Variants in SLC22A2 observed in about 807,000 individuals in gnomAD.
SLC22A2 encodes solute carrier family 22 member 2, also known as organic cation transporter 2.
SLC22A2 carries 46 observed loss-of-function variants against 60.5 expected under a neutral mutation model. The ratio of observed to expected loss-of-function variants is 0.76; its 90% CI spans 0.60 to 0.97. The LOEUF (loss-of-function observed/expected upper bound fraction) is 0.97, where lower values mean the gene tolerates loss of function less well. Ranked by LOEUF, SLC22A2 falls within the 50% of genes least tolerant of loss-of-function variation. The pLI, the probability that SLC22A2 is intolerant of heterozygous loss-of-function variation, is 0.00. For missense variants in SLC22A2, 701 were observed against 706.6 expected (o/e 0.99, Z 0.09); for synonymous variants, 303 against 267.0 (o/e 1.13, Z -1.31).
At chr6:160,242,740 C>T (rs969270027) in intron 7 of SLC22A2, among the ~76,000 whole-genome samples, 3 of 152,048 alleles carry the variant, frequency 2.0e-5, no homozygotes, top group Non-Finnish European at 2.9e-5. Flanking sequence ...CGACATTCTC[C>T]ACAGAGTGGT....
chr6:160,227,814 T>C (rs991707749), intron 9 of SLC22A2, among the ~76,000 whole-genome samples: 4 of 152,186 alleles, frequency 2.6e-5, no homozygotes, highest in African/African-American at 9.7e-5. Flanking sequence ...CATAAAGACC[T>C]TGCTGGTCAA....
chr6:160,234,675 A>G (rs945549733), intron 9 of SLC22A2, among the ~76,000 whole-genome samples: 1 of 152,216 alleles, frequency 6.6e-6, no homozygotes, highest in Non-Finnish European at 1.5e-5. Context: ...CATCCAACAG[A>G]TAGGAATTTG....
chr6:160,218,889 C>CACAATT (rs1782589758), intron 10 of SLC22A2, among the ~76,000 whole-genome samples: 2 of 4,924 alleles, frequency 4.1e-4, no homozygotes, highest in African/African-American at 1.6e-3. Flanking sequence ...TCAGCAGTAG[C>CACAATT]AACAACAGAA....
chr6:160,234,759 C>T (rs1474316416), intron 9 of SLC22A2, among the ~76,000 whole-genome samples: 2 of 152,230 alleles, frequency 1.3e-5, no homozygotes, highest in Admixed American at 6.5e-5. Context: ...GAATTGGCTG[C>T]TCTAAAATCC....
intron 9 of SLC22A2, among the ~76,000 whole-genome samples, chr6:160,226,981 AT>A (rs1583390924): frequency 6.6e-6 from 1 of 152,164 alleles, no homozygotes; most frequent in Non-Finnish European, 1.5e-5. Flanking sequence ...AAGATAGCAA[AT>A]TCCAGCCTGA....
chr6:160,257,515 C>G (rs1783293674), intron 1 of SLC22A2, among the ~76,000 whole-genome samples: 1 of 152,100 alleles, frequency 6.6e-6, no homozygotes, highest in African/African-American at 2.4e-5. Context: ...TGTGAGAGAG[C>G]CTCGGAGAGT....
intron 7 of SLC22A2, among the ~76,000 whole-genome samples, chr6:160,242,731 G>A (rs531785038): frequency 1.5e-4 from 22 of 151,354 alleles, no homozygotes; most frequent in Non-Finnish European, 2.5e-4. Context: ...GCCCATCATC[G>A]ACATTCTCCA....
At chr6:160,224,098 C>G (rs193014004) in intron 10 of SLC22A2, among the ~76,000 whole-genome samples, 1 of 152,166 alleles carries the variant, frequency 6.6e-6, no homozygotes, top group South Asian at 2.1e-4. Flanking sequence ...ACCAGCAACA[C>G]GGGAGACTAC....
At chr6:160,247,347 C>A in intron 4 of SLC22A2, 49 bp from the exon 5 acceptor site, 1 of 935,788 alleles carries the variant, frequency 1.1e-6, no homozygotes, top group South Asian at 1.3e-5. Flanking sequence ...TCCTCCTTAC[C>A]CCATCCCCCA....
chr6:160,243,922 T>G, intron 6 of SLC22A2, 136 bp from the exon 7 acceptor site: 1 of 626,152 alleles, frequency 1.6e-6, no homozygotes, highest in Non-Finnish European at 2.8e-6. Flanking sequence ...CCCATCCCAC[T>G]GCTTTTATAA....
intron 10 of SLC22A2, 71 bp from the exon 11 acceptor site, chr6:160,217,569 G>A (rs1454186336): frequency 1.4e-5 from 11 of 776,480 alleles, no homozygotes; most frequent in Non-Finnish European, 1.8e-5. Flanking sequence ...AATAAAGTGG[G>A]TAATAAATGA....
intron 10 of SLC22A2, among the ~76,000 whole-genome samples, chr6:160,219,983 C>T (rs1180300326): frequency 1.3e-5 from 2 of 152,154 alleles, no homozygotes; most frequent in Non-Finnish European, 1.5e-5. Context: ...ACAGTGGTTG[C>T]TGAAGGTTGA....
intron 1 of SLC22A2, among the ~76,000 whole-genome samples, chr6:160,257,537 A>C (rs936068611): frequency 5.9e-5 from 9 of 152,134 alleles, no homozygotes; most frequent in African/African-American, 2.2e-4. Flanking sequence ...TGTGGTGTGA[A>C]GCCCATGAGC....
chr6:160,249,143 C>A, intron 4 of SLC22A2, 73 bp downstream of exon 4: 1 of 1,000,720 alleles, frequency 1.0e-6, no homozygotes. Context: ...AGATAGTGTG[C>A]ATTAAGGAAG....
Position 160,228,813 on chromosome 6 carries a change from C to T in SLC22A2, c.1502-4009G>A, listed in dbSNP as rs150304752. On this transcript the variant is annotated intron_variant, in intron 9 of 10. Transcript: ENST00000366953. The stretch of plus-strand genomic sequence containing the variant: ...TGTGAAATTCCTTCTCCTGGCTCGT[C>T]CTGGCTCAAAAGCTCCCCCACTGAG... Among the ~76,000 whole-genome samples the T allele has an allele frequency of 4.8e-3, 728 of 151,990 alleles. 27 individuals carry two copies. Among genetic ancestry groups the T allele is most frequent in the African/African-American group, 0.017 (691 of 41,280 alleles).
At chr6:160,222,178 A>G (rs1026458334) in intron 10 of SLC22A2, among the ~76,000 whole-genome samples, 11 of 152,252 alleles carry the variant, frequency 7.2e-5, no homozygotes, top group Non-Finnish European at 1.6e-4. Flanking sequence ...ATAAGTTCAC[A>G]GGTTATATTT....
At chr6:160,241,718 C>A in intron 8 of SLC22A2, 132 bp from the exon 9 acceptor site, 2 of 516,192 alleles carry the variant, frequency 3.9e-6, no homozygotes, top group Admixed American at 3.3e-5. Context: ...GCTCAGGTGA[C>A]GGGTGCACCA....
intron 4 of SLC22A2, among the ~76,000 whole-genome samples, chr6:160,249,012 A>G (rs567162629): frequency 6.6e-6 from 1 of 152,324 alleles, no homozygotes; most frequent in Admixed American, 6.5e-5. Context: ...TTTAAGCCCA[A>G]AGAGAAAGGA....
intron 4 of SLC22A2, among the ~76,000 whole-genome samples, chr6:160,248,488 T>G (rs912542281): frequency 1.3e-5 from 2 of 152,202 alleles, no homozygotes; most frequent in African/African-American, 4.8e-5. Context: ...TTGAGATGTT[T>G]AATTCTTAGG....
Sources: allele counts gnomAD v4.1 joint callset (sites outside exome capture counted in the v4.1 genomes callset), GRCh38; gene constraint gnomAD v4.1.1; transcripts MANE v1.5; gene names NCBI Gene and HGNC (gene_info 2026-07-23, HGNC 2026-07-21).